Variants in IL32 observed in about 807,000 individuals in gnomAD.
IL32 encodes the protein interleukin-32.
In IL32, 30 loss-of-function variants were observed where a neutral mutation model predicts 16.6. The observed-to-expected ratio is 1.81, with a 90% CI of 1.35 to 2.45. The LOEUF is 2.45. Among genes scored for constraint, IL32 ranks in the 30% most tolerant of loss-of-function variants. The pLI is 0.00. For synonymous variants in IL32, 70 were observed against 86.1 expected (o/e 0.81, Z 1.03); for missense variants, 234 against 229.8 (o/e 1.02, Z -0.12).
intron 2 of IL32, among the ~76,000 whole-genome samples, chr16:3,066,068 A>G (rs968969381): frequency 1.3e-5 from 2 of 152,146 alleles, no homozygotes; most frequent in Admixed American, 6.5e-5. Context: ...AGCCCTTCAC[A>G]GCCCGGAAAG....
At position 3,069,301 on chromosome 16, in the gene IL32, G is replaced by C; in HGVS notation, c.513G>C (p.Gly171=). Reference sequence around the variant, plus strand: ...TCCAGTCCTACGGAGCCCCACGGGGGGACAAGGAGGAGCTGACACCCCAGA... The same window carrying C: ...TCCAGTCCTACGGAGCCCCACGGGGCGACAAGGAGGAGCTGACACCCCAGA... ...SSFQSYGAPR[G]DKEELTPQKC... The change falls in exon 7 of 7, where the codon GGG becomes GGC. Residue 171 remains glycine, a synonymous_variant. Coordinates refer to ENST00000525643, the MANE Select transcript of IL32 (RefSeq NM_001376923.1). 1 of 1,613,856 alleles carries C rather than the reference G, an allele frequency of 6.2e-7. No individual in the cohort carries two copies. Among genetic ancestry groups the C allele is most frequent in the Non-Finnish European group, 8.5e-7 (1 of 1,179,920 alleles).
At chr16:3,067,446 T>A in intron 3 of IL32, 31 bp downstream of exon 3, 1 of 1,609,888 alleles carries the variant, frequency 6.2e-7, no homozygotes, top group Non-Finnish European at 8.5e-7. Flanking sequence ...TGCTCAGGGG[T>A]TGGGGGCCTG....
At position 3,065,799 on chromosome 16, in the gene IL32, A is replaced by C; in HGVS notation, c.-13A>C. Reference sequence around the variant, plus strand: ...TCGCCAGCAGGCCTTGGCTCCTTGAACTTTTGGCCGCCATGTGCTTCCCGA... The same window carrying C: ...TCGCCAGCAGGCCTTGGCTCCTTGACCTTTTGGCCGCCATGTGCTTCCCGA... On this transcript the variant is annotated 5_prime_UTR_variant, in exon 2 of 7. Transcript: ENST00000525643. 6.2e-7 allele frequency: 1 copy of C among 1,613,938 alleles called. No individual in the cohort carries two copies. The highest frequency in any genetic ancestry group is 8.5e-7 in the Non-Finnish European group (1 of 1,179,980).
In IL32 at chr16:3,068,211, T is replaced by G. The variant is rs1324523222; in HGVS notation, c.173T>G (p.Val58Gly). Residue 58 changes from valine to glycine, a missense_variant, in exon 6 of 7, where the codon GTG (valine) becomes GGG (glycine). Val to Gly is a moderately radical substitution (Grantham distance 109). Around this residue, in one of 3 missense-constraint regions of IL32, gnomAD observed 137 missense variants for 80.7 expected, o/e 1.70. Transcript: ENST00000525643. ...TTCAAAGAGGGCTACCTGGAGACAG[T>G]GGCGGCTTATTATGAGGAGCAGCAC... The part of the protein sequence containing the change: ...DDFKEGYLET[V>G]AAYYEEQHPE... The G allele has an allele frequency of 1.9e-6, 3 of 1,601,538 alleles. No homozygotes were observed. The highest frequency in any genetic ancestry group is 3.4e-5 in the Admixed American group (2 of 58,076).
chr16:3,068,135 G>C lies in IL32; in HGVS notation c.142-45G>C, dbSNP rs543196166. The C allele has an allele frequency of 5.6e-6, 9 of 1,603,802 alleles. No individual in the cohort carries two copies. In the Admixed American group the frequency reaches 1.4e-4, roughly 24 times the overall value. On this transcript the variant is annotated intron_variant, in intron 5 of 6. Transcript: ENST00000525643. The stretch of plus-strand genomic sequence containing the variant: ...CCAGTGGGGGCCACAGTGGGAAGGG[G>C]GCAGGCAGGAGCAGCATGAACCCCC...
Position 3,069,319 on chromosome 16 carries a change from A to T in IL32, c.531A>T (p.Thr177=), listed in dbSNP as rs181077045. The T allele has an allele frequency of 1.5e-5, 24 of 1,609,024 alleles. No homozygotes were observed. The highest frequency in any genetic ancestry group is 3.3e-4 in the Middle Eastern group (2 of 6,040). Residue 177 remains threonine (T), a synonymous_variant, in exon 7 of 7, where the codon ACA becomes ACT. Coordinates refer to ENST00000525643, the MANE Select transcript of IL32 (RefSeq NM_001376923.1). ...GAPRGDKEEL[T]PQKCSEPQSS... Reference sequence around the variant, plus strand: ...CACGGGGGGACAAGGAGGAGCTGACACCCCAGAAGTGCTCTGAACCCCAAT... The same window carrying T: ...CACGGGGGGACAAGGAGGAGCTGACTCCCCAGAAGTGCTCTGAACCCCAAT...
intron 4 of IL32, 160 bp downstream of exon 4, chr16:3,067,773 G>T (rs1161779399): frequency 2.4e-6 from 2 of 821,818 alleles, no homozygotes. Flanking sequence ...GAGTGGGCGG[G>T]TGGGGGATCT....
intron 4 of IL32, 68 bp downstream of exon 4, chr16:3,067,681 GC>G (rs774345723): frequency 9.9e-6 from 12 of 1,217,064 alleles, no homozygotes; most frequent in African/African-American, 1.5e-5. Flanking sequence ...CCTGTGTGGG[GC>G]TCAGGGTGAG....
In IL32 at chr16:3,067,486, T is replaced by C. The variant is rs752442725; in HGVS notation, c.55-68T>C. 7.4e-6 allele frequency: 12 copies of C among 1,613,780 alleles called. No individual in the cohort carries two copies. In the South Asian group the frequency reaches 1.3e-4, roughly 18 times the overall value. On this transcript the variant is annotated intron_variant, in intron 3 of 6. Transcript: ENST00000525643. ...TCAGCGTGTGACACTGAGGACACTG[T>C]GGGACACCTGGGACCCTGGAGGGAC...
upstream of IL32, chr16:3,065,580 G>C (rs549265621): frequency 1.1e-5 from 7 of 627,008 alleles, 1 homozygote; most frequent in South Asian, 1.3e-4. Flanking sequence ...TGCCCTGAGA[G>C]AGGCTCCGCC....
rs1246043181 is a variant in IL32, at chr16:3,067,579, A to G, written c.80A>G (p.Asp27Gly). Residue 27 changes from aspartate (D) to glycine (G), a missense_variant, in exon 4 of 7, where the codon GAT (aspartate) becomes GGT (glycine). By Grantham distance (94) the Asp-to-Gly change is moderately conservative. Around this residue, in one of 3 missense-constraint regions of IL32, gnomAD observed 137 missense variants for 80.7 expected, o/e 1.70. Transcript: ENST00000525643. ...CACCAGGCCATAGAAAGATTTTATGATAAAATGCAAAATGCAGAATCAGGA... is the reference window on the plus strand; with the variant it reads ...CACCAGGCCATAGAAAGATTTTATGGTAAAATGCAAAATGCAGAATCAGGA... The part of the protein sequence containing the change: ...RMHQAIERFY[D>G]KMQNAESGRG... The G allele has an allele frequency of 1.2e-6, 2 of 1,613,840 alleles. No homozygotes were observed. Among genetic ancestry groups the G allele is most frequent in the African/African-American group, 2.7e-5 (2 of 74,870 alleles).
At position 3,067,963 on chromosome 16, in the gene IL32, CGAG is replaced by C. The variant is rs1956595639; in HGVS notation, c.115-20_115-18del. ...TGCAGAGGAGGCTTGGGCCTGGAAC[CGAG>C]TGCTTTGTTCCTAACAGGTGATGTC... On this transcript the variant is annotated intron_variant, in intron 4 of 6. Transcript: ENST00000525643. 6.2e-7 allele frequency: 1 copy of C among 1,613,910 alleles called. No individual in the cohort carries two copies. Among genetic ancestry groups the C allele is most frequent in the East Asian group, 2.2e-5 (1 of 44,872 alleles).
At chr16:3,068,798 GC>G (rs1956729047) in intron 6 of IL32, 191 bp from the exon 7 acceptor site, 1 of 873,712 alleles carries the variant, frequency 1.1e-6, no homozygotes, top group Non-Finnish European at 1.7e-6. Flanking sequence ...TCCTGTCACT[GC>G]CATGGAGGTG....
chr16:3,065,844 T>G lies in IL32; in HGVS notation c.15+18T>G. 1.2e-6 allele frequency: 2 copies of G among 1,614,030 alleles called. No homozygotes were observed. Among genetic ancestry groups the G allele is most frequent in the Non-Finnish European group, 1.7e-6 (2 of 1,180,036 alleles). On this transcript the variant is annotated intron_variant, in intron 2 of 6. Transcript: ENST00000525643. ...TCCCGAAGGTGAGTGAGAGGCTGCG[T>G]GTGCTTTTGTGGGCATGTCTGAAAA...
rs756980976 is a variant in IL32, at chr16:3,067,503, T to C, written c.55-51T>C. On this transcript the variant is annotated intron_variant, in intron 3 of 6. Coordinates refer to ENST00000525643, the MANE Select transcript of IL32 (RefSeq NM_001376923.1). ...GGACACTGTGGGACACCTGGGACCC[T>C]GGAGGGACAAGGATCCGGCCCTTTG... is the stretch of plus-strand genomic sequence containing the variant. The C allele has an allele frequency of 8.1e-6, 13 of 1,613,942 alleles. No homozygotes were observed. The Middle Eastern group carries it at 4.9e-4, about 61-fold the overall frequency.
intron 2 of IL32, 106 bp from the exon 3 acceptor site, chr16:3,067,271 C>CTGTGTGTGTG (rs60859102): frequency 0.097 from 57,230 of 591,162 alleles, 1,328 homozygotes; most frequent in East Asian, 0.2. Context: ...CCATGTGTCT[C>CTGTGTGTGTG]TGTGTGTGTG....
At chr16:3,067,446 T>C in intron 3 of IL32, 31 bp downstream of exon 3, 1 of 1,609,888 alleles carries the variant, frequency 6.2e-7, no homozygotes. Flanking sequence ...TGCTCAGGGG[T>C]TGGGGGCCTG....
In IL32 at chr16:3,069,427, C is replaced by T. The variant is rs1326100830; in HGVS notation, c.*72C>T. The T allele has an allele frequency of 4.7e-6, 7 of 1,492,972 alleles. No individual in the cohort carries two copies. The African/African-American group carries it at 5.6e-5, about 12-fold the overall frequency. 92.5% of individuals were successfully genotyped at this position (1,492,972 alleles called of 1,614,324 possible). ...TGACCCCTCCCTCAGCTGTCCTGTG[C>T]CCCGCCCTCTCCCGCACACTCAGTC... On this transcript the variant is annotated 3_prime_UTR_variant, in exon 7 of 7. Coordinates refer to ENST00000525643, the MANE Select transcript of IL32 (RefSeq NM_001376923.1).
chr16:3,065,883 TGCGG>T, intron 2 of IL32, 57 bp downstream of exon 2: 10 of 1,605,118 alleles, frequency 6.2e-6, no homozygotes, highest in Non-Finnish European at 6.8e-6. Context: ...ACCGTAAGGG[TGCGG>T]GTGCCCTCAG....
Sources: gnomAD v4.1 joint callset for allele counts (sites outside exome capture counted in the v4.1 genomes callset) on GRCh38, gnomAD v4.1.1 for gene constraint, gnomAD v4.1.1 regional missense constraint, MANE v1.5 for transcripts, NCBI Gene and HGNC (gene_info 2026-07-23, HGNC 2026-07-21) for gene names.